NKAIN3: variants seen among roughly 807,000 people sequenced by gnomAD.
NKAIN3 encodes the protein sodium/potassium-transporting ATPase subunit beta-1-interacting protein 3.
Under a neutral mutation model 30.2 loss-of-function variants are expected in NKAIN3, and 25 were observed. That is an observed-to-expected ratio of 0.83 (90% CI 0.60 to 1.16). The LOEUF is 1.16. NKAIN3 is among the 50% of genes most tolerant of loss of function. The probability of loss-of-function intolerance (pLI) is 0.00; values close to 1 mark genes in which losing one functional copy is unlikely to be tolerated. For synonymous variants in NKAIN3, 91 were observed against 89.6 expected (o/e 1.02, Z -0.09); for missense variants, 225 against 254.1 (o/e 0.89, Z 0.78).
intron 4 of NKAIN3, among the ~76,000 whole-genome samples, chr8:62,807,224 A>C (rs1355257167): frequency 1.3e-5 from 2 of 152,224 alleles, no homozygotes. Context: ...AATAAATGTT[A>C]ACATTTGCCA....
chr8:62,985,170 TG>T (rs753000461), downstream of NKAIN3, among the ~76,000 whole-genome samples: 2 of 152,216 alleles, frequency 1.3e-5, no homozygotes, highest in African/African-American at 2.4e-5. Flanking sequence ...ACAGCTGCTC[TG>T]GGCTTCCCCA....
chr8:62,524,917 A>G (rs1808256545), intron 1 of NKAIN3, among the ~76,000 whole-genome samples: 2 of 152,144 alleles, frequency 1.3e-5, no homozygotes, highest in African/African-American at 2.4e-5. Flanking sequence ...GTCATATTAA[A>G]GATGTATTAA....
In NKAIN3 at chr8:62,724,405, A is replaced by G. The variant is rs1444531913; in HGVS notation, c.274-22527A>G. 6.6e-5 allele frequency among the ~76,000 whole-genome samples: 10 copies of G among 152,144 alleles called. No individual in the cohort carries two copies. In the South Asian group the frequency reaches 1.9e-3, roughly 28 times the overall value. On this transcript the variant is annotated intron_variant, in intron 3 of 6. Coordinates refer to ENST00000623646, the MANE Select transcript of NKAIN3 (RefSeq NM_001304533.3). ...TGTTATCATCCAATTATTCTGTATT[A>G]GTTACTTTTAAATGTACAAAAACTA...
Position 62,979,585 on chromosome 8 carries a change from A to AT in NKAIN3, c.*14182dup, listed in dbSNP as rs1222297384. 6.6e-6 allele frequency: 1 copy of AT among 152,196 alleles called. No individual in the cohort carries two copies. The highest frequency in any genetic ancestry group is 6.5e-5 in the Admixed American group (1 of 15,278). The allele number at this position is 152,196 out of a possible 1,614,324, so 9.4% of individuals were successfully genotyped here. A position where few individuals can be genotyped will look rare whatever the true frequency, so the allele number is the denominator to read the frequency against. On this transcript the variant is annotated 3_prime_UTR_variant, in exon 7 of 7. Coordinates refer to ENST00000623646, the MANE Select transcript of NKAIN3 (RefSeq NM_001304533.3). Reference sequence around the variant, plus strand: ...AATAATATGTCTAATACGATGTGGCATTTTCTCTATACAGTACAGTTTTAG... The same window carrying AT: ...AATAATATGTCTAATACGATGTGGCATTTTTCTCTATACAGTACAGTTTTAG...
chr8:62,932,422 AC>A (rs1822650101), intron 5 of NKAIN3, among the ~76,000 whole-genome samples: 1 of 152,244 alleles, frequency 6.6e-6, no homozygotes, highest in South Asian at 2.1e-4. Context: ...GCAGAGGCTA[AC>A]TGTGTCTCAA....
chr8:62,351,233 T>A (rs1816169829), intron 1 of NKAIN3, among the ~76,000 whole-genome samples: 1 of 150,136 alleles, frequency 6.7e-6, no homozygotes, highest in African/African-American at 2.4e-5. Flanking sequence ...GGTGCTAAGT[T>A]TCTTGTATAA....
chr8:62,794,823 A>G (rs939435472), intron 4 of NKAIN3, among the ~76,000 whole-genome samples: 17 of 152,136 alleles, frequency 1.1e-4, no homozygotes, highest in African/African-American at 3.9e-4. Flanking sequence ...GAGTGCAGAG[A>G]TAGTGAAGGG....
intron 1 of NKAIN3, among the ~76,000 whole-genome samples, chr8:62,334,889 T>C (rs1413358163): frequency 2.0e-5 from 3 of 152,084 alleles, no homozygotes; most frequent in Non-Finnish European, 4.4e-5. Context: ...ACACTCTCTC[T>C]AGCAGAGTAA....
chr8:62,306,177 T>C (rs1275327032), intron 1 of NKAIN3, among the ~76,000 whole-genome samples: 1 of 150,402 alleles, frequency 6.6e-6, no homozygotes, highest in African/African-American at 2.5e-5. Flanking sequence ...AGTATTTACT[T>C]CCTCTTTAAG....
At chr8:62,548,087 A>T (rs919691160) in intron 1 of NKAIN3, among the ~76,000 whole-genome samples, 1 of 152,130 alleles carries the variant, frequency 6.6e-6, no homozygotes, top group Non-Finnish European at 1.5e-5. Flanking sequence ...TGCCTTGTTC[A>T]TCTCATAGAA....
At chr8:62,879,908 A>G (rs987598827) in intron 4 of NKAIN3, among the ~76,000 whole-genome samples, 5 of 152,176 alleles carry the variant, frequency 3.3e-5, no homozygotes, top group African/African-American at 7.2e-5. Context: ...TTCATACCTT[A>G]CATGCCTCCA....
intron 1 of NKAIN3, among the ~76,000 whole-genome samples, chr8:62,569,636 C>T (rs1354020794): frequency 2.0e-5 from 3 of 152,038 alleles, no homozygotes; most frequent in Non-Finnish European, 4.4e-5. Context: ...ATTAGCCAGG[C>T]ATGGTGACTC....
At chr8:62,558,986 C>T (rs890018638) in intron 1 of NKAIN3, among the ~76,000 whole-genome samples, 2 of 151,874 alleles carry the variant, frequency 1.3e-5, no homozygotes, top group Non-Finnish European at 2.9e-5. Flanking sequence ...GAGAGAGTTT[C>T]TTGTGTTTCT....
In NKAIN3 at chr8:62,893,907, G is replaced by C. The variant is rs141793704; in HGVS notation, c.472-24546G>C. The stretch of plus-strand genomic sequence containing the variant: ...AAGGCAGATGAAGATGTTTGTGCTA[G>C]CAGAAAATTCTTAAACAATCTTAAT... On this transcript the variant is annotated intron_variant, in intron 4 of 6. Transcript: ENST00000623646. 2.1e-3 allele frequency among the ~76,000 whole-genome samples: 317 copies of C among 152,268 alleles called. 2 individuals are homozygous for C. Among genetic ancestry groups the C allele is most frequent in the Middle Eastern group, 6.8e-3 (2 of 294 alleles).
At chr8:62,791,374 G>T (rs1010459574) in intron 4 of NKAIN3, among the ~76,000 whole-genome samples, 2 of 152,074 alleles carry the variant, frequency 1.3e-5, no homozygotes, top group Non-Finnish European at 2.9e-5. Context: ...GGGTATTTTT[G>T]CAAATCACTT....
chr8:62,640,396 C>T (rs1812273625), intron 3 of NKAIN3, among the ~76,000 whole-genome samples: 1 of 152,108 alleles, frequency 6.6e-6, no homozygotes, highest in African/African-American at 2.4e-5. Flanking sequence ...CGTGTGTCTT[C>T]CCCTTCTGCC....
intron 1 of NKAIN3, among the ~76,000 whole-genome samples, chr8:62,417,443 A>G (rs1804484379): frequency 6.6e-6 from 1 of 152,270 alleles, no homozygotes; most frequent in South Asian, 2.1e-4. Flanking sequence ...TGGAGTGTAG[A>G]TATCTCTTCT....
chr8:62,945,183 A>G (rs1276986128), intron 5 of NKAIN3, among the ~76,000 whole-genome samples: 2 of 152,222 alleles, frequency 1.3e-5, no homozygotes, highest in Non-Finnish European at 2.9e-5. Flanking sequence ...TATACAATAT[A>G]GCATAGTAAA....
chr8:62,375,807 A>G (rs1435701905), intron 1 of NKAIN3, among the ~76,000 whole-genome samples: 2 of 152,236 alleles, frequency 1.3e-5, no homozygotes, highest in Non-Finnish European at 2.9e-5. Flanking sequence ...ATGTTTAACA[A>G]TAAATTCTAA....
Sources: allele counts gnomAD v4.1 joint callset (sites outside exome capture counted in the v4.1 genomes callset), GRCh38; gene constraint gnomAD v4.1.1; transcripts MANE v1.5; gene names NCBI Gene and HGNC (gene_info 2026-07-23, HGNC 2026-07-21).